ALKAL1: variants seen among roughly 807,000 people sequenced by gnomAD.
ALKAL1 encodes AUG-beta.
Under a neutral mutation model 13.5 loss-of-function variants are expected in ALKAL1, and 23 were observed. That is an observed-to-expected ratio of 1.70 (90% CI 1.23 to 2.41). The LOEUF (loss-of-function observed/expected upper bound fraction) is 2.41. Ranked by LOEUF, ALKAL1 falls within the 30% of genes most tolerant of loss-of-function variation. The pLI, the probability that ALKAL1 is intolerant of heterozygous loss-of-function variation, is 0.00. For synonymous variants in ALKAL1, 85 were observed against 77.7 expected (o/e 1.09, Z -0.49); for missense variants, 181 against 178.4 (o/e 1.01, Z -0.08).
At position 52,563,271 on chromosome 8, in the gene ALKAL1, A is replaced by T. The variant is rs920625753; in HGVS notation, c.190+1796T>A. 3.3e-5 allele frequency among the ~76,000 whole-genome samples: 5 copies of T among 152,238 alleles called. No homozygotes were observed. The East Asian group carries it at 7.8e-4, about 24-fold the overall frequency. ...CCATCTCTACTAAAACTACAAAAAAATAAAAATTAAAATTAGCCGGGCGTG... is the reference window on the plus strand; with the variant it reads ...CCATCTCTACTAAAACTACAAAAAATTAAAAATTAAAATTAGCCGGGCGTG... On this transcript the variant is annotated intron_variant, in intron 1 of 4. Transcript: ENST00000358543.
In ALKAL1 at chr8:52,565,070, C is replaced by G. The variant is rs777953303; in HGVS notation, c.187G>C (p.Ala63Pro). The change falls in exon 1 of 5, where the codon GCA (alanine) becomes CCA (proline). Residue 63 changes from alanine to proline, a missense_variant. Transcript: ENST00000358543. ...GGGCGGGATGGGGACATCGTACCTG[C>G]GCTCCGGGAGCCGCTGGGAGTCCGG... ...AGRTPSGSRS[A>P]EIFPRDSNLK... The G allele has an allele frequency of 6.4e-6, 9 of 1,397,706 alleles. No homozygotes were observed. In the South Asian group the frequency reaches 1.3e-4, roughly 20 times the overall value. 86.6% of individuals were successfully genotyped at this position (1,397,706 alleles called of 1,614,324 possible). A position where few individuals can be genotyped will look rare whatever the true frequency, so the allele number is the denominator to read the frequency against.
intron 1 of ALKAL1, among the ~76,000 whole-genome samples, chr8:52,562,703 A>G (rs934779461): frequency 1.3e-5 from 2 of 152,146 alleles, no homozygotes; most frequent in African/African-American, 4.8e-5. Flanking sequence ...AGATTTCTGA[A>G]CCTAGAACAG....
chr8:52,549,541 T>G (rs1847408997), intron 1 of ALKAL1, among the ~76,000 whole-genome samples: 1 of 151,824 alleles, frequency 6.6e-6, no homozygotes, highest in Admixed American at 6.6e-5. Flanking sequence ...CCCATGGCTG[T>G]CATCTTATTA....
intron 1 of ALKAL1, among the ~76,000 whole-genome samples, chr8:52,562,758 A>G (rs1232685395): frequency 6.6e-6 from 1 of 152,172 alleles, no homozygotes; most frequent in Non-Finnish European, 1.5e-5. Flanking sequence ...CACTACAGAA[A>G]TATGGGGCCA....
At chr8:52,541,239 G>A (rs1244222920) in intron 2 of ALKAL1, among the ~76,000 whole-genome samples, 1 of 152,080 alleles carries the variant, frequency 6.6e-6, no homozygotes, top group Non-Finnish European at 1.5e-5. Context: ...GCTTTGGGAG[G>A]CCAAGGCAGG....
intron 4 of ALKAL1, among the ~76,000 whole-genome samples, chr8:52,535,675 T>C (rs1847259857): frequency 6.6e-6 from 1 of 151,936 alleles, no homozygotes; most frequent in Admixed American, 6.6e-5. Context: ...ATTTTCTTAA[T>C]CTAAAAAAAA....
At chr8:52,545,849 T>C (rs1292944842) in intron 1 of ALKAL1, among the ~76,000 whole-genome samples, 1 of 152,234 alleles carries the variant, frequency 6.6e-6, no homozygotes, top group African/African-American at 2.4e-5. Flanking sequence ...TGCTGTTTAA[T>C]GATGGAAATA....
At chr8:52,539,761 T>C (rs1327383947) in intron 3 of ALKAL1, 70 bp downstream of exon 3, 9 of 1,167,194 alleles carry the variant, frequency 7.7e-6, no homozygotes, top group East Asian at 2.3e-5. Flanking sequence ...CCACAGACAT[T>C]TGAAGTTTAA....
chr8:52,563,614 A>G (rs1305638572), intron 1 of ALKAL1, among the ~76,000 whole-genome samples: 1 of 152,178 alleles, frequency 6.6e-6, no homozygotes, highest in South Asian at 2.1e-4. Flanking sequence ...GTGACATTTT[A>G]TTCTCTGAGA....
chr8:52,535,376 T>C (rs1411301401), intron 4 of ALKAL1, among the ~76,000 whole-genome samples: 3 of 149,238 alleles, frequency 2.0e-5, no homozygotes, highest in South Asian at 2.1e-4. Flanking sequence ...AGTGGGACTC[T>C]GTTGCCACCA....
At chr8:52,564,974 G>C in intron 1 of ALKAL1, 93 bp downstream of exon 1, 1 of 1,040,286 alleles carries the variant, frequency 9.6e-7, no homozygotes, top group South Asian at 3.0e-5. Flanking sequence ...CTAATCTCAG[G>C]CTTCCCAAAG....
chr8:52,552,304 T>C (rs1847437987), intron 1 of ALKAL1, among the ~76,000 whole-genome samples: 1 of 151,958 alleles, frequency 6.6e-6, no homozygotes, highest in African/African-American at 2.4e-5. Flanking sequence ...CTGTGAAGGG[T>C]GCACACTTTT....
At chr8:52,564,672 C>T (rs556461874) in intron 1 of ALKAL1, among the ~76,000 whole-genome samples, 3 of 152,284 alleles carry the variant, frequency 2.0e-5, no homozygotes, top group African/African-American at 7.2e-5. Flanking sequence ...CAGGTGTCTA[C>T]GGACAGCAAT....
chr8:52,545,505 C>A (rs1419193992), intron 1 of ALKAL1, among the ~76,000 whole-genome samples: 1 of 151,690 alleles, frequency 6.6e-6, no homozygotes, highest in African/African-American at 2.4e-5. Flanking sequence ...CCACACCCAC[C>A]TCCCTCCCTG....
intron 1 of ALKAL1, among the ~76,000 whole-genome samples, chr8:52,563,973 GAA>G (rs1847576050): frequency 6.6e-6 from 1 of 152,376 alleles, no homozygotes; most frequent in African/African-American, 2.4e-5. Flanking sequence ...GGAACTCGAA[GAA>G]AGTTTGTGGA....
chr8:52,544,590 C>G (rs78195153), intron 1 of ALKAL1, among the ~76,000 whole-genome samples: 3 of 151,774 alleles, frequency 2.0e-5, no homozygotes, highest in African/African-American at 7.3e-5. Flanking sequence ...TTCAAAAGAC[C>G]GTTGAGGGAG....
Position 52,539,886 on chromosome 8 carries a change from G to A in ALKAL1, c.270C>T (p.Cys90=). 1 of 1,613,638 alleles carries A rather than the reference G, an allele frequency of 6.2e-7. No individual in the cohort carries two copies. The highest frequency in any genetic ancestry group is 8.5e-7 in the Non-Finnish European group (1 of 1,179,890). The change falls in exon 3 of 5, where the codon TGC becomes TGT. Residue 90 remains cysteine, a synonymous_variant. Coordinates refer to ENST00000358543, the MANE Select transcript of ALKAL1 (RefSeq NM_207413.4). ...FTGPVTFSPE[C]SKHFHRLYYN... Reference sequence around the variant, plus strand: ...AATAGAGTCGGTGGAAATGTTTGCTGCATTCTGGTGAAAATGTGACCGGCC... The same window carrying A: ...AATAGAGTCGGTGGAAATGTTTGCTACATTCTGGTGAAAATGTGACCGGCC...
At chr8:52,558,926 C>A (rs1001340023) in intron 1 of ALKAL1, among the ~76,000 whole-genome samples, 3 of 152,060 alleles carry the variant, frequency 2.0e-5, no homozygotes, top group Non-Finnish European at 2.9e-5. Flanking sequence ...CTGGGGAGAA[C>A]CTCAGGCTGC....
intron 4 of ALKAL1, among the ~76,000 whole-genome samples, chr8:52,535,135 T>G (rs1056717189): frequency 2.0e-5 from 3 of 152,022 alleles, no homozygotes; most frequent in Non-Finnish European, 4.4e-5. Flanking sequence ...TTTGAGGACT[T>G]TAGGTAAATT....
Sources: gnomAD v4.1 joint callset for allele counts (sites outside exome capture counted in the v4.1 genomes callset) on GRCh38, gnomAD v4.1.1 for gene constraint, MANE v1.5 for transcripts, NCBI Gene and HGNC (gene_info 2026-07-23, HGNC 2026-07-21) for gene names.